Variants in SLC43A1 observed in about 807,000 individuals in gnomAD.
The protein encoded by SLC43A1 is solute carrier family 43 member 1.
A neutral mutation model predicts 59.5 loss-of-function variants in SLC43A1; 31 were observed. The observed-to-expected ratio is 0.52, with a 90% CI of 0.39 to 0.70. The LOEUF (loss-of-function observed/expected upper bound fraction) is 0.70. Among genes scored for constraint, SLC43A1 ranks in the 30% least tolerant of loss-of-function variants. The pLI, the probability that SLC43A1 is intolerant of heterozygous loss-of-function variation, is 0.00. For missense variants in SLC43A1, 598 were observed against 717.8 expected (o/e 0.83, Z 1.91); for synonymous variants, 259 against 290.9 (o/e 0.89, Z 1.12).
chr11:57,512,543 CAAA>C (rs1198549159), intron 2 of SLC43A1, among the ~76,000 whole-genome samples: 2 of 122,692 alleles, frequency 1.6e-5, no homozygotes, highest in Non-Finnish European at 3.5e-5. Context: ...GACTCTGTCT[CAAA>C]AAAAAAAAAA....
rs371533653 is a variant in SLC43A1 at position 57,485,072 on chromosome 11, T to C, written c.*24A>G. 1.1e-5 allele frequency: 18 copies of C among 1,596,664 alleles called. No individual in the cohort carries two copies. In the African/African-American group the frequency reaches 2.2e-4, roughly 19 times the overall value. On this transcript the variant is annotated 3_prime_UTR_variant, in exon 15 of 15. Coordinates refer to ENST00000278426, the MANE Select transcript of SLC43A1 (RefSeq NM_003627.6). ...TTGCTCAGGCCTTGATTGCCTGTCATCCAGGTCCCTTGGTCTGAGAAGTCT... is the reference window on the plus strand; with the variant it reads ...TTGCTCAGGCCTTGATTGCCTGTCACCCAGGTCCCTTGGTCTGAGAAGTCT...
rs543488681 is a variant in SLC43A1, at chr11:57,501,194, A to T, written c.290T>A (p.Leu97His). The T allele has an allele frequency of 6.2e-7, 1 of 1,612,476 alleles. No homozygotes were observed. Among genetic ancestry groups the T allele is most frequent in the African/African-American group, 1.3e-5 (1 of 75,070 alleles). ...GGGTCGGGGGCCAAAGCGGTCCATG[A>T]GGATCCCCAGTGGCAGGGTGGTGGC... Reference protein sequence around the residue: ...LSATTLPLGILMDRFGPRPVR... With the variant: ...LSATTLPLGIHMDRFGPRPVR... Residue 97 changes from leucine to histidine, a missense_variant, in exon 3 of 15, where the codon CTC becomes CAC. Physicochemically the swap from Leu to His is moderately conservative, Grantham distance 99 (BLOSUM62 -3). Coordinates refer to ENST00000278426, the MANE Select transcript of SLC43A1 (RefSeq NM_003627.6).
At chr11:57,509,644 A>AGGAAGGAAGGAAGGAAGGAC (rs1944479608) in intron 2 of SLC43A1, among the ~76,000 whole-genome samples, 1 of 82,790 alleles carries the variant, frequency 1.2e-5, no homozygotes, top group Non-Finnish European at 2.7e-5. Context: ...GAAGGAAGGA[A>AGGAAGGAAGGAAGGAAGGAC]GGAAGGAGGG....
intron 10 of SLC43A1, 60 bp downstream of exon 10, chr11:57,491,531 C>A: frequency 1.2e-6 from 2 of 1,608,784 alleles, no homozygotes; most frequent in South Asian, 1.1e-5. Flanking sequence ...AGTCCCGCCC[C>A]CTGAGAAGCG....
rs557530822 is a variant in SLC43A1, at chr11:57,511,574, T to C, written c.154+2384A>G. The stretch of plus-strand genomic sequence containing the variant: ...CTCCTGCCTTAGCCTTGAAATAAGC[T>C]TGGATTACAGATGAGCCACCACACC... On this transcript the variant is annotated intron_variant, in intron 2 of 14. Coordinates refer to ENST00000278426, the MANE Select transcript of SLC43A1 (RefSeq NM_003627.6). Among the ~76,000 whole-genome samples, 6 of 152,194 alleles carry C rather than the reference T, an allele frequency of 3.9e-5. No homozygotes were observed. In the South Asian group the frequency reaches 1.2e-3, roughly 32 times the overall value.
At chr11:57,502,823 A>G (rs1184800850) in intron 2 of SLC43A1, among the ~76,000 whole-genome samples, 2 of 151,120 alleles carry the variant, frequency 1.3e-5, no homozygotes, top group African/African-American at 2.4e-5. Context: ...GCAGTGAGCC[A>G]TGATCACACC....
chr11:57,506,422 G>C (rs1944396787), intron 2 of SLC43A1, among the ~76,000 whole-genome samples: 1 of 152,194 alleles, frequency 6.6e-6, no homozygotes, highest in Non-Finnish European at 1.5e-5. Flanking sequence ...TGTAGTCCAA[G>C]CTACTCAGGA....
rs140291855 is a variant in SLC43A1 at position 57,489,141 on chromosome 11, A to G, written c.1335+110T>C. On this transcript the variant is annotated intron_variant, in intron 12 of 14. Coordinates refer to ENST00000278426, the MANE Select transcript of SLC43A1 (RefSeq NM_003627.6). ...ACTTCCTGGAGAACCCGGAAAATAG[A>G]TCCAGATCAGAAGACCAGAACTGCG... The G allele has an allele frequency of 1.5e-4, 216 of 1,476,840 alleles. 1 individual carries two copies. The East Asian group carries it at 4.9e-3, about 33-fold the overall frequency. 91.5% of individuals were successfully genotyped at this position (1,476,840 alleles called of 1,614,324 possible). A position where few individuals can be genotyped will look rare whatever the true frequency, so the allele number is the denominator to read the frequency against.
intron 2 of SLC43A1, among the ~76,000 whole-genome samples, chr11:57,504,037 C>CA (rs796312691): frequency 4.9e-4 from 73 of 148,868 alleles, no homozygotes; most frequent in East Asian, 7.9e-4. Flanking sequence ...ACTAAAAATA[C>CA]AAAAAAAAAA....
At chr11:57,496,642 C>T (rs189804621) in intron 6 of SLC43A1, among the ~76,000 whole-genome samples, 1 of 152,310 alleles carries the variant, frequency 6.6e-6, no homozygotes, top group East Asian at 1.9e-4. Context: ...CATGCTCAGC[C>T]TTTTCTCACC....
In SLC43A1 at chr11:57,514,262, C is replaced by G; in HGVS notation, c.-13-138G>C. The stretch of plus-strand genomic sequence containing the variant: ...GAGGCCCCATAGAGCCCTGGGCTTC[C>G]CAGCCGGTGCCAAGGAGCTGGCTCC... On this transcript the variant is annotated intron_variant, in intron 1 of 14. Coordinates refer to ENST00000278426, the MANE Select transcript of SLC43A1 (RefSeq NM_003627.6). The surrounding 1 kb of genome is among the most constrained non-coding windows in gnomAD (Gnocchi z 5.5). 1.9e-6 allele frequency: 2 copies of G among 1,047,716 alleles called. No homozygotes were observed. Among genetic ancestry groups the G allele is most frequent in the Non-Finnish European group, 2.7e-6 (2 of 748,262 alleles). 64.9% of individuals were successfully genotyped at this position (1,047,716 alleles called of 1,614,324 possible). A position where few individuals can be genotyped will look rare whatever the true frequency, so the allele number is the denominator to read the frequency against.
intron 8 of SLC43A1, among the ~76,000 whole-genome samples, chr11:57,492,191 G>C (rs1394077440): frequency 6.8e-6 from 1 of 146,340 alleles, no homozygotes; most frequent in African/African-American, 2.5e-5. Flanking sequence ...AACATAGCAA[G>C]ACCCTATCTC....
chr11:57,506,999 G>T (rs1292740814), intron 2 of SLC43A1, among the ~76,000 whole-genome samples: 1 of 152,158 alleles, frequency 6.6e-6, no homozygotes, highest in Non-Finnish European at 1.5e-5. Context: ...GATGTGGCCA[G>T]GTAACCCCAA....
chr11:57,498,980 CAG>C (rs1322810317), intron 5 of SLC43A1, among the ~76,000 whole-genome samples: 3 of 152,142 alleles, frequency 2.0e-5, no homozygotes, highest in African/African-American at 7.2e-5. Context: ...ACACACTCCA[CAG>C]AGGGGGAAAC....
chr11:57,511,218 G>A (rs1272260727), intron 2 of SLC43A1, among the ~76,000 whole-genome samples: 1 of 152,078 alleles, frequency 6.6e-6, no homozygotes, highest in East Asian at 1.9e-4. Context: ...GAGCCCAGGA[G>A]TTCGAGACCA....
intron 14 of SLC43A1, among the ~76,000 whole-genome samples, chr11:57,486,224 C>T (rs772101176): frequency 1.3e-5 from 2 of 152,194 alleles, no homozygotes; most frequent in Non-Finnish European, 2.9e-5. Flanking sequence ...CTGTGGCTCA[C>T]GCCTGTAACC....
At chr11:57,501,437 C>G (rs1944266395) in intron 2 of SLC43A1, 108 bp from the exon 3 acceptor site, 2 of 1,159,940 alleles carry the variant, frequency 1.7e-6, no homozygotes, top group Admixed American at 1.9e-5. Context: ...TGCCAAGTGC[C>G]TTTGGGGGTA....
chr11:57,496,568 TAATCGTGTTTATCCTGCC>T (rs1175741696), intron 6 of SLC43A1, among the ~76,000 whole-genome samples: 1 of 152,204 alleles, frequency 6.6e-6, no homozygotes, highest in African/African-American at 2.4e-5. Context: ...TTACCGGGCC[TAATCGTGTTTATCCTGCC>T]CCTTCCTGGC....
chr11:57,511,473 A>C (rs999067826), intron 2 of SLC43A1, among the ~76,000 whole-genome samples: 16 of 151,722 alleles, frequency 1.1e-4, no homozygotes, highest in Non-Finnish European at 1.9e-4. Context: ...TTTGGGTCTC[A>C]CTCTGTGGCC....
Sources: allele counts gnomAD v4.1 joint callset (sites outside exome capture counted in the v4.1 genomes callset), GRCh38; gene constraint gnomAD v4.1.1; non-coding constraint Gnocchi (gnomAD v3.1); transcripts MANE v1.5; gene names NCBI Gene and HGNC (gene_info 2026-07-23, HGNC 2026-07-21).